Variants in TNPO1 observed in about 807,000 individuals in gnomAD.
The protein encoded by TNPO1 is transportin 1.
TNPO1 carries 8 observed loss-of-function variants against 119.5 expected under a neutral mutation model. The observed-to-expected ratio is 0.07, with a 90% CI of 0.04 to 0.12. TNPO1 has a LOEUF of 0.12. TNPO1 is among the 10% of genes least tolerant of loss of function. The pLI is 1.00. For missense variants in TNPO1, 576 were observed against 1,089.8 expected (o/e 0.53, Z 6.64); for synonymous variants, 362 against 363.0 (o/e 1.00, Z 0.03).
chr5:72,817,568 C>G (rs1460893044), intron 1 of TNPO1, among the ~76,000 whole-genome samples: 1 of 152,118 alleles, frequency 6.6e-6, no homozygotes, highest in East Asian at 1.9e-4. Context: ...TCAGGATGGT[C>G]TATCAGTAGA....
At position 72,848,401 on chromosome 5, in the gene TNPO1, A is replaced by G. The variant is rs1013460459; in HGVS notation, c.32A>G (p.Tyr11Cys). The G allele has an allele frequency of 1.2e-6, 2 of 1,611,492 alleles. No homozygotes were observed. Among genetic ancestry groups the G allele is most frequent in the African/African-American group, 2.7e-5 (2 of 74,700 alleles). The stretch of plus-strand genomic sequence containing the variant: ...TATTTGCAGCAAACCAAGATGGAGT[A>G]TGAGTGGAAACCTGACGAGCAAGGG... Reference protein sequence around the residue: MVWDRQTKMEYEWKPDEQGLQ... With the variant: MVWDRQTKMECEWKPDEQGLQ... Residue 11 changes from tyrosine to cysteine, a missense_variant, in exon 2 of 25, where the codon TAT becomes TGT. Tyr to Cys is a radical substitution (Grantham distance 194). Transcript: ENST00000337273.
intron 13 of TNPO1, 24 bp from the exon 14 acceptor site, chr5:72,889,762 T>G: frequency 6.4e-7 from 1 of 1,559,846 alleles, no homozygotes; most frequent in South Asian, 1.2e-5. Flanking sequence ...TCAATAAGTA[T>G]TCTTTTTTTT....
intron 1 of TNPO1, among the ~76,000 whole-genome samples, chr5:72,830,776 T>A (rs1744422039): frequency 6.6e-6 from 1 of 152,218 alleles, no homozygotes; most frequent in South Asian, 2.1e-4. Flanking sequence ...TTTGTGTCTC[T>A]CAACCCTCCT....
At position 72,889,477 on chromosome 5, in the gene TNPO1, GT is replaced by G. The variant is rs376892918; in HGVS notation, c.1530-298del. Among the ~76,000 whole-genome samples, 339 of 146,426 alleles carry G rather than the reference GT, an allele frequency of 2.3e-3. 3 individuals carry two copies. Among genetic ancestry groups the G allele is most frequent in the African/African-American group, 7.4e-3 (296 of 40,148 alleles). ...TATAATTTATTCATTCAGTACCTCG[GT>G]TTTTTTTTTTAGCTATTAATTGTTA... On this transcript the variant is annotated intron_variant, in intron 13 of 24. Transcript: ENST00000337273.
chr5:72,877,359 T>C lies in TNPO1; in HGVS notation c.920+13T>C, dbSNP rs1747871296. The C allele has an allele frequency of 7.6e-7, 1 of 1,318,970 alleles. No homozygotes were observed. The highest frequency in any genetic ancestry group is 1.3e-5 in the South Asian group (1 of 79,242). The allele number at this position is 1,318,970 out of a possible 1,614,324, so 81.7% of individuals were successfully genotyped here. On this transcript the variant is annotated intron_variant, in intron 9 of 24. Transcript: ENST00000337273. ...GGCATCTTCCTAAGTAAGTGTTCCC[T>C]CTTATAAATGCTGCCTTGTTCTTTA...
intron 1 of TNPO1, among the ~76,000 whole-genome samples, chr5:72,832,651 TCTC>T (rs1056744493): frequency 5.9e-5 from 9 of 152,266 alleles, no homozygotes; most frequent in South Asian, 2.1e-4. Context: ...CCCTACATCT[TCTC>T]CTGTTGTAAA....
rs1426690034 is a variant in TNPO1 at position 72,887,146 on chromosome 5, T to G, written c.1227T>G (p.Leu409=). The change falls in exon 12 of 25, where the codon CTT becomes CTG. Residue 409 remains leucine, a synonymous_variant. Transcript: ENST00000337273. ...RDELLPHILP[L]LKELLFHHEW... is the part of the protein sequence containing the mutation. ...AACTGCTGCCACATATTTTGCCCCT[T>G]TTGAAAGAATTACTTTTTCATCATG... 1 of 1,613,972 alleles carries G rather than the reference T, an allele frequency of 6.2e-7. No individual in the cohort carries two copies. The highest frequency in any genetic ancestry group is 8.5e-7 in the Non-Finnish European group (1 of 1,179,978).
intron 3 of TNPO1, among the ~76,000 whole-genome samples, chr5:72,853,768 A>G (rs1745771063): frequency 1.3e-5 from 2 of 152,154 alleles, no homozygotes. Flanking sequence ...CAATACAAGT[A>G]ACATCTTAAA....
intron 9 of TNPO1, 50 bp from the exon 10 acceptor site, chr5:72,882,417 A>G (rs1271691560): frequency 7.3e-7 from 1 of 1,373,678 alleles, no homozygotes; most frequent in Non-Finnish European, 1.0e-6. Context: ...CTTATTAATT[A>G]TTCTCTTGAG....
At chr5:72,894,882 A>G (rs1749310031) in intron 18 of TNPO1, among the ~76,000 whole-genome samples, 1 of 152,100 alleles carries the variant, frequency 6.6e-6, no homozygotes, top group Non-Finnish European at 1.5e-5. Flanking sequence ...TTACCACCTA[A>G]TTTAGTTTTT....
At chr5:72,851,971 GA>G (rs1184339799) in intron 3 of TNPO1, among the ~76,000 whole-genome samples, 1 of 151,974 alleles carries the variant, frequency 6.6e-6, no homozygotes, top group East Asian at 1.9e-4. Context: ...GTTTTTTGTA[GA>G]AAAAAATTGA....
intron 7 of TNPO1, among the ~76,000 whole-genome samples, chr5:72,872,981 A>G (rs926291426): frequency 1.3e-5 from 2 of 152,034 alleles, no homozygotes; most frequent in Admixed American, 1.3e-4. Context: ...TATGTTTAGT[A>G]TCTTGACTAC....
chr5:72,879,539 A>G (rs1748071395), intron 9 of TNPO1, among the ~76,000 whole-genome samples: 1 of 152,138 alleles, frequency 6.6e-6, no homozygotes, highest in East Asian at 1.9e-4. Flanking sequence ...CTTCCCTACT[A>G]CTGTGAGAGG....
At chr5:72,852,523 T>C (rs932278327) in intron 3 of TNPO1, among the ~76,000 whole-genome samples, 1 of 152,320 alleles carries the variant, frequency 6.6e-6, no homozygotes, top group East Asian at 1.9e-4. Context: ...GGCCTCTAAA[T>C]GAAAGCGCTG....
chr5:72,841,754 C>T (rs1207395108), intron 1 of TNPO1, among the ~76,000 whole-genome samples: 1 of 151,998 alleles, frequency 6.6e-6, no homozygotes, highest in Non-Finnish European at 1.5e-5. Context: ...CCCTTCATAC[C>T]TGAACTTTGG....
In TNPO1 at chr5:72,885,343, C is replaced by T. The variant is rs572239954; in HGVS notation, c.1151-1727C>T. 6.0e-4 allele frequency among the ~76,000 whole-genome samples: 91 copies of T among 152,282 alleles called. No homozygotes were observed. In the South Asian group the frequency reaches 9.5e-3, roughly 16 times the overall value. ...CAAATTACTTCCCAGTGTATCCCTA[C>T]TTTCAGATTAGGGGAGCAGGATGGC... On this transcript the variant is annotated intron_variant, in intron 11 of 24. Coordinates refer to ENST00000337273, the MANE Select transcript of TNPO1 (RefSeq NM_002270.4).
chr5:72,851,414 G>C (rs1316786019), intron 3 of TNPO1, 95 bp downstream of exon 3: 2 of 745,752 alleles, frequency 2.7e-6, no homozygotes, highest in East Asian at 2.7e-5. Flanking sequence ...TCATTTTGTA[G>C]TAACCTTGTG....
intron 1 of TNPO1, among the ~76,000 whole-genome samples, chr5:72,844,646 C>A (rs1007856470): frequency 6.6e-6 from 1 of 152,170 alleles, no homozygotes. Flanking sequence ...TGCCAGGGAC[C>A]TATGATCTGC....
At position 72,854,043 on chromosome 5, in the gene TNPO1, T is replaced by A. The variant is rs141762512; in HGVS notation, c.206-1731T>A. ...TTAAAATTCTTCATCTTGTAACCTTTATGGTAAAAACAATATACTATATTT... is the reference window on the plus strand; with the variant it reads ...TTAAAATTCTTCATCTTGTAACCTTAATGGTAAAAACAATATACTATATTT... On this transcript the variant is annotated intron_variant, in intron 3 of 24. Coordinates refer to ENST00000337273, the MANE Select transcript of TNPO1 (RefSeq NM_002270.4). 2.3e-3 allele frequency among the ~76,000 whole-genome samples: 356 copies of A among 152,342 alleles called. 2 individuals are homozygous for A. The highest frequency in any genetic ancestry group is 8.0e-3 in the African/African-American group (331 of 41,590).
Sources: gnomAD v4.1 joint callset for allele counts (sites outside exome capture counted in the v4.1 genomes callset) on GRCh38, gnomAD v4.1.1 for gene constraint, MANE v1.5 for transcripts, NCBI Gene and HGNC (gene_info 2026-07-23, HGNC 2026-07-21) for gene names.